FGD5: variants seen among roughly 807,000 people sequenced by gnomAD.
FGD5 encodes the protein FYVE, RhoGEF and PH domain containing 5.
Under a neutral mutation model 133.4 loss-of-function variants are expected in FGD5, and 28 were observed. The ratio of observed to expected loss-of-function variants is 0.21; its 90% CI spans 0.16 to 0.29. The LOEUF (loss-of-function observed/expected upper bound fraction) is 0.29. FGD5 is among the 10% of genes least tolerant of loss of function. FGD5 has a pLI of 1.00. For missense variants in FGD5, 1,858 were observed against 1,895.2 expected, an observed-to-expected ratio of 0.98 and a Z score of 0.36; for synonymous variants, 810 against 776.5, an observed-to-expected ratio of 1.04 and a Z score of -0.72.
At chr3:14,893,319 T>C (rs1484962719) in intron 4 of FGD5, among the ~76,000 whole-genome samples, 1 of 152,140 alleles carries the variant, frequency 6.6e-6, no homozygotes, top group Non-Finnish European at 1.5e-5. Context: ...ACATTCAAAT[T>C]ATTCTCTTCT....
chr3:14,891,204 GTCC>G (rs1035531382), intron 4 of FGD5, among the ~76,000 whole-genome samples: 6 of 152,136 alleles, frequency 3.9e-5, no homozygotes, highest in Non-Finnish European at 7.4e-5. Flanking sequence ...AGAGTTGGGA[GTCC>G]TCCTGCCCCA....
At chr3:14,822,297 C>T (rs1575187878) in intron 1 of FGD5, among the ~76,000 whole-genome samples, 1 of 152,092 alleles carries the variant, frequency 6.6e-6, no homozygotes, top group South Asian at 2.1e-4. Flanking sequence ...ACAGAAGGTT[C>T]TGGAATCTTG....
intron 18 of FGD5, chr3:14,932,365 G>C: frequency 1.9e-6 from 1 of 524,042 alleles, no homozygotes; most frequent in Non-Finnish European, 3.3e-6. Context: ...TTACAGGCGT[G>C]AGCCACCACA....
intron 12 of FGD5, among the ~76,000 whole-genome samples, chr3:14,918,100 A>G (rs974077059): frequency 2.0e-5 from 3 of 152,230 alleles, no homozygotes; most frequent in Admixed American, 6.5e-5. Context: ...TGCTGTGAAT[A>G]TGGGCATATG....
chr3:14,882,282 A>T, intron 4 of FGD5: 1 of 985,232 alleles, frequency 1.0e-6, no homozygotes, highest in Non-Finnish European at 1.2e-6. Context: ...ACTTCATAAG[A>T]GGGTTTTAAC....
chr3:14,894,960 A>C (rs1327674807), intron 4 of FGD5, among the ~76,000 whole-genome samples: 1 of 152,100 alleles, frequency 6.6e-6, no homozygotes, highest in African/African-American at 2.4e-5. Flanking sequence ...GATGATTATG[A>C]TGTTGAGCTT....
chr3:14,897,820 C>A, intron 5 of FGD5, 119 bp from the exon 6 acceptor site: 1 of 1,468,702 alleles, frequency 6.8e-7, no homozygotes, highest in Non-Finnish European at 9.1e-7. Flanking sequence ...AGTAAAACAA[C>A]TGTGCAAGGG....
chr3:14,826,650 T>G (rs533965660), intron 1 of FGD5, among the ~76,000 whole-genome samples: 1 of 152,338 alleles, frequency 6.6e-6, no homozygotes, highest in East Asian at 1.9e-4. Context: ...TGTTATTAAG[T>G]GACATGACCG....
intron 2 of FGD5, among the ~76,000 whole-genome samples, chr3:14,872,862 G>A (rs547284117): frequency 1.3e-5 from 2 of 152,286 alleles, no homozygotes; most frequent in African/African-American, 4.8e-5. Context: ...AGGGGGCTTA[G>A]TTAGTCAGTG....
intron 4 of FGD5, among the ~76,000 whole-genome samples, chr3:14,883,290 AT>A (rs1227617563): frequency 1.3e-5 from 2 of 152,326 alleles, no homozygotes; most frequent in Admixed American, 6.5e-5. Flanking sequence ...TAAAATATTT[AT>A]CATCTGGCCC....
In FGD5 at chr3:14,853,636, C is replaced by CTTTTTTTTTTTTTTTTTTTT. The variant is rs34008934; in HGVS notation, c.2526-10480_2526-10461dup. Among the ~76,000 whole-genome samples, 23 of 37,128 alleles carry CTTTTTTTTTTTTTTTTTTTT rather than the reference C, an allele frequency of 6.2e-4. 1 individual carries two copies. The East Asian group carries it at 7.6e-3, about 12-fold the overall frequency. 24.4% of individuals were successfully genotyped at this position (37,128 alleles called of 152,430 possible). On this transcript the variant is annotated intron_variant, in intron 1 of 19. Coordinates refer to ENST00000285046, the MANE Select transcript of FGD5 (RefSeq NM_152536.4). ...GAGATTCCCAGGGGGAAAAGCGTTC[C>CTTTTTTTTTTTTTTTTTTTT]TTTTTTTTTTTTTTTTTTTTTTTTT...
rs1170657191 is a variant in FGD5, at chr3:14,917,698, A to G, written c.3489+366A>G. ...AAATACACATATCATTTTAAAAGTA[A>G]CCATTTTTAAATGTACAGTTCTGTG... On this transcript the variant is annotated intron_variant, in intron 12 of 19. Coordinates refer to ENST00000285046, the MANE Select transcript of FGD5 (RefSeq NM_152536.4). The surrounding 1 kb of genome is among the most constrained non-coding windows in gnomAD (Gnocchi z 4.1). Among the ~76,000 whole-genome samples the G allele has an allele frequency of 1.3e-5, 2 of 152,168 alleles. No individual in the cohort carries two copies. The highest frequency in any genetic ancestry group is 4.8e-5 in the African/African-American group (2 of 41,424).
In FGD5 at chr3:14,922,328, C is replaced by T. The variant is rs532900757; in HGVS notation, c.3670-83C>T. On this transcript the variant is annotated intron_variant, in intron 14 of 19. Coordinates refer to ENST00000285046, the MANE Select transcript of FGD5 (RefSeq NM_152536.4). The surrounding 1 kb of genome is among the most constrained non-coding windows in gnomAD (Gnocchi z 4.1). ...ACACATCACACACCCTGCACAGAGACGCAGGGCAGGGCTCACTGGGCTCTG... is the reference window on the plus strand; with the variant it reads ...ACACATCACACACCCTGCACAGAGATGCAGGGCAGGGCTCACTGGGCTCTG... 20 of 1,520,338 alleles carry T rather than the reference C, an allele frequency of 1.3e-5. No individual in the cohort carries two copies. The highest frequency in any genetic ancestry group is 4.0e-5 in the Admixed American group (2 of 50,296). The allele number at this position is 1,520,338 out of a possible 1,614,324, so 94.2% of individuals were successfully genotyped here. A position where few individuals can be genotyped will look rare whatever the true frequency, so the allele number is the denominator to read the frequency against.
At chr3:14,811,694 T>C (rs547064970) in intron 1 of FGD5, among the ~76,000 whole-genome samples, 1 of 152,214 alleles carries the variant, frequency 6.6e-6, no homozygotes, top group Admixed American at 6.5e-5. Context: ...GTAGTGCCAT[T>C]TAACGGATTT....
intron 10 of FGD5, among the ~76,000 whole-genome samples, chr3:14,909,225 C>T (rs752643255): frequency 5.3e-5 from 8 of 152,156 alleles, no homozygotes; most frequent in Admixed American, 2.0e-4. Flanking sequence ...GCCTCAGCCT[C>T]GCAAAGTGCT....
intron 2 of FGD5, among the ~76,000 whole-genome samples, chr3:14,877,345 C>T (rs549109391): frequency 1.8e-4 from 27 of 152,304 alleles, no homozygotes; most frequent in Admixed American, 2.6e-4. Context: ...AGAATCTGCA[C>T]GTCTGGCAGG....
At chr3:14,866,765 A>G (rs925629845) in intron 2 of FGD5, among the ~76,000 whole-genome samples, 1 of 152,202 alleles carries the variant, frequency 6.6e-6, no homozygotes, top group Non-Finnish European at 1.5e-5. Flanking sequence ...TTCAGCCGGG[A>G]CTCAGCAGTG....
intron 1 of FGD5, among the ~76,000 whole-genome samples, chr3:14,845,333 A>G (rs983176070): frequency 6.6e-6 from 1 of 152,160 alleles, no homozygotes; most frequent in Non-Finnish European, 1.5e-5. Flanking sequence ...TTAAGTTGAA[A>G]CTACTGAAGT....
intron 1 of FGD5, among the ~76,000 whole-genome samples, chr3:14,858,195 C>T (rs1211103762): frequency 5.9e-5 from 9 of 152,268 alleles, no homozygotes; most frequent in African/African-American, 1.9e-4. Context: ...ATCTTTGATC[C>T]CTCCTTGTGT....
Sources: gnomAD v4.1 joint callset for allele counts (sites outside exome capture counted in the v4.1 genomes callset) on GRCh38, gnomAD v4.1.1 for gene constraint, Gnocchi (gnomAD v3.1) non-coding constraint, MANE v1.5 for transcripts, NCBI Gene and HGNC (gene_info 2026-07-23, HGNC 2026-07-21) for gene names.